The following ARHGEF4 variants were observed in gnomAD, a reference collection of about 807,000 sequenced individuals.
ARHGEF4 encodes the protein APC-stimulated guanine nucleotide exchange factor 1.
In ARHGEF4, 119 loss-of-function variants were observed where a neutral mutation model predicts 162.0. The observed-to-expected ratio is 0.73, with a 90% CI of 0.63 to 0.86. The LOEUF (loss-of-function observed/expected upper bound fraction) is 0.86. Among genes scored for constraint, ARHGEF4 ranks in the 40% least tolerant of loss-of-function variants. The pLI, the probability that ARHGEF4 is intolerant of heterozygous loss-of-function variation, is 0.00. For missense variants in ARHGEF4, 2,488 were observed against 2,456.0 expected (o/e 1.01, Z -0.28); for synonymous variants, 1,014 against 979.9 (o/e 1.03, Z -0.65).
At chr2:130,970,307 G>A (rs1685272652) in intron 4 of ARHGEF4, among the ~76,000 whole-genome samples, 1 of 152,164 alleles carries the variant, frequency 6.6e-6, no homozygotes, top group Admixed American at 6.5e-5. Flanking sequence ...AGCCATTCTA[G>A]GTTGGGCATG....
At chr2:130,885,787 G>A (rs1375784514) in intron 1 of ARHGEF4, among the ~76,000 whole-genome samples, 2 of 151,372 alleles carry the variant, frequency 1.3e-5, no homozygotes, top group Non-Finnish European at 2.9e-5. Context: ...GGCCAGGCTG[G>A]TCCAGAACTC....
intron 5 of ARHGEF4, chr2:131,035,639 C>G (rs2105390610): frequency 1.0e-6 from 1 of 990,654 alleles, no homozygotes; most frequent in Non-Finnish European, 1.2e-6. Context: ...TAGGTTGAGT[C>G]AGGTGTGTGG....
intron 1 of ARHGEF4, among the ~76,000 whole-genome samples, chr2:130,853,994 T>C (rs1681591425): frequency 6.6e-6 from 1 of 152,182 alleles, no homozygotes; most frequent in Non-Finnish European, 1.5e-5. Context: ...CTTAGTCCTC[T>C]TGTCTGTCAA....
intron 1 of ARHGEF4, among the ~76,000 whole-genome samples, chr2:130,871,397 TTGG>T (rs2104932880): frequency 6.6e-6 from 1 of 151,942 alleles, no homozygotes; most frequent in South Asian, 2.1e-4. Flanking sequence ...TTAGCCAGGC[TTGG>T]TGGTGGGCAC....
intron 4 of ARHGEF4, among the ~76,000 whole-genome samples, chr2:130,958,504 G>A (rs912307994): frequency 6.7e-5 from 10 of 149,370 alleles, no homozygotes; most frequent in East Asian, 2.1e-4. Context: ...CCGCCCCCCC[G>A]ATCCGAGCGA....
chr2:130,888,749 AT>A (rs1407195877), intron 1 of ARHGEF4, among the ~76,000 whole-genome samples: 9 of 152,162 alleles, frequency 5.9e-5, no homozygotes, highest in African/African-American at 1.9e-4. Flanking sequence ...ATTCTGAATG[AT>A]TTCAATCCTT....
chr2:131,034,391 G>A (rs1365705724), intron 5 of ARHGEF4, among the ~76,000 whole-genome samples: 1 of 152,242 alleles, frequency 6.6e-6, no homozygotes. Context: ...GTTGCAGGCT[G>A]TGTCGAGTGG....
chr2:130,941,459 C>T (rs1683291922), intron 3 of ARHGEF4, among the ~76,000 whole-genome samples: 1 of 152,080 alleles, frequency 6.6e-6, no homozygotes, highest in Admixed American at 6.6e-5. Flanking sequence ...CTGCCTCGGC[C>T]TCCAAAAGTT....
intron 1 of ARHGEF4, among the ~76,000 whole-genome samples, chr2:130,849,677 C>A (rs1325090764): frequency 2.0e-5 from 3 of 151,902 alleles, no homozygotes; most frequent in Admixed American, 2.0e-4. Context: ...CAAGTATTCT[C>A]CTGCCTCAAT....
chr2:130,940,298 G>T (rs1327011636), intron 3 of ARHGEF4, among the ~76,000 whole-genome samples: 1 of 152,068 alleles, frequency 6.6e-6, no homozygotes, highest in Non-Finnish European at 1.5e-5. Context: ...TTGCATAAAA[G>T]GAGACACTTT....
chr2:130,865,593 A>C (rs6715179), intron 1 of ARHGEF4, among the ~76,000 whole-genome samples: 12,443 of 152,208 alleles, frequency 0.082, 977 homozygotes, highest in African/African-American at 0.2. Flanking sequence ...TCCAAATCAC[A>C]CACTCAGGAC....
intron 5 of ARHGEF4, among the ~76,000 whole-genome samples, chr2:131,036,766 A>T (rs1303247724): frequency 6.6e-6 from 1 of 152,194 alleles, no homozygotes; most frequent in African/African-American, 2.4e-5. Flanking sequence ...AGCCATGTTG[A>T]GTGTGTCGGG....
chr2:130,938,565 T>A (rs1683100884), intron 3 of ARHGEF4, among the ~76,000 whole-genome samples: 1 of 152,148 alleles, frequency 6.6e-6, no homozygotes. Context: ...AGGCAAGGCA[T>A]TTTTTTAATG....
Position 130,887,201 on chromosome 2 carries a change from T to C in ARHGEF4, c.40-26785T>C, listed in dbSNP as rs191890144. 8.0e-4 allele frequency among the ~76,000 whole-genome samples: 121 copies of C among 151,968 alleles called. 1 individual carries two copies. The highest frequency in any genetic ancestry group is 1.2e-3 in the Non-Finnish European group (79 of 67,974). ...CCTGCTGGAGCTGGGCATGGTGGCATGTGTCTGTAGTCCCAGCTACTTGGG... is the reference window on the plus strand; with the variant it reads ...CCTGCTGGAGCTGGGCATGGTGGCACGTGTCTGTAGTCCCAGCTACTTGGG... On this transcript the variant is annotated intron_variant, in intron 1 of 13. Transcript: ENST00000409359.
intron 4 of ARHGEF4, chr2:131,012,016 G>T: frequency 1.5e-6 from 1 of 671,036 alleles, no homozygotes; most frequent in Non-Finnish European, 2.7e-6. Flanking sequence ...AAGAAAGACA[G>T]GCGTCAGGAT....
intron 4 of ARHGEF4, among the ~76,000 whole-genome samples, chr2:130,962,618 C>T (rs983169560): frequency 6.6e-6 from 1 of 152,158 alleles, no homozygotes; most frequent in African/African-American, 2.4e-5. Context: ...AGATGGGCCA[C>T]AGGAAATGGA....
At position 131,041,487 on chromosome 2, in the gene ARHGEF4, G is replaced by A. The variant is rs773162642; in HGVS notation, c.4895+25G>A. On this transcript the variant is annotated intron_variant, in intron 9 of 13. Coordinates refer to ENST00000409359, the MANE Select transcript of ARHGEF4 (RefSeq NM_001367493.1). The stretch of plus-strand genomic sequence containing the variant: ...GGTAGGAGGGCACTGAGGCAGGGAG[G>A]CAGCCCACGCCTCTGCATGCCTCCA... 28 of 1,596,234 alleles carry A rather than the reference G, an allele frequency of 1.8e-5. No individual in the cohort carries two copies. The Admixed American group carries it at 2.2e-4, about 13-fold the overall frequency.
chr2:130,973,735 C>T lies in ARHGEF4; in HGVS notation c.3985+27100C>T, dbSNP rs1451946805. ...CATCTCTTCCAATTCGACAGCTCTTCCCATTCAGCTAATCAGCAGTAACAT... is the reference window on the plus strand; with the variant it reads ...CATCTCTTCCAATTCGACAGCTCTTTCCATTCAGCTAATCAGCAGTAACAT... On this transcript the variant is annotated intron_variant, in intron 4 of 13. Coordinates refer to ENST00000409359, the MANE Select transcript of ARHGEF4 (RefSeq NM_001367493.1). Among the ~76,000 whole-genome samples, 4 of 152,168 alleles carry T rather than the reference C, an allele frequency of 2.6e-5. No homozygotes were observed. The East Asian group carries it at 7.7e-4, about 29-fold the overall frequency.
chr2:131,041,625 A>G, intron 9 of ARHGEF4, 163 bp downstream of exon 9: 1 of 1,099,694 alleles, frequency 9.1e-7, no homozygotes, highest in Non-Finnish European at 1.3e-6. Flanking sequence ...AGAGGATGCC[A>G]ACAGGATATT....
Sources: allele counts gnomAD v4.1 joint callset (sites outside exome capture counted in the v4.1 genomes callset), GRCh38; gene constraint gnomAD v4.1.1; transcripts MANE v1.5; gene names NCBI Gene and HGNC (gene_info 2026-07-23, HGNC 2026-07-21).